Variants in FHIT observed in about 807,000 individuals in gnomAD.
FHIT encodes fragile histidine triad diadenosine triphosphatase, also known as bis(5'-adenosyl)-triphosphatase.
Under a neutral mutation model 17.9 loss-of-function variants are expected in FHIT, and 19 were observed. The ratio of observed to expected loss-of-function variants is 1.06; its 90% confidence interval spans 0.74 to 1.56. The LOEUF is 1.56. FHIT is among the 40% of genes most tolerant of loss of function. The pLI is 0.00. For missense variants in FHIT, 248 were observed against 189.2 expected, an observed-to-expected ratio of 1.31 and a Z score of -1.82; for synonymous variants, 81 against 69.7, an observed-to-expected ratio of 1.16 and a Z score of -0.81.
chr3:61,150,234 C>T (rs1238761012), intron 2 of FHIT, among the ~76,000 whole-genome samples: 2 of 152,154 alleles, frequency 1.3e-5, no homozygotes, highest in African/African-American at 4.8e-5. Flanking sequence ...ACAGAGCCCA[C>T]TGAGAGGCTT....
intron 5 of FHIT, among the ~76,000 whole-genome samples, chr3:60,255,593 C>G (rs1006289322): frequency 3.9e-5 from 6 of 151,974 alleles, no homozygotes; most frequent in Admixed American, 3.9e-4. Flanking sequence ...AAAAGCCGCC[C>G]CAAATCTAAC....
intron 4 of FHIT, among the ~76,000 whole-genome samples, chr3:60,634,879 A>G (rs782202749): frequency 2.9e-4 from 44 of 152,266 alleles, no homozygotes; most frequent in Non-Finnish European, 2.6e-4. Context: ...CTTATTTTAG[A>G]GTGAGACGCC....
At chr3:61,195,457 GATA>G (rs1342295840) in intron 2 of FHIT, among the ~76,000 whole-genome samples, 1 of 152,126 alleles carries the variant, frequency 6.6e-6, no homozygotes, top group Admixed American at 6.5e-5. Flanking sequence ...TGATGAAGAT[GATA>G]ATGATGTTGA....
chr3:60,551,575 G>A (rs1377794087), intron 4 of FHIT, among the ~76,000 whole-genome samples: 15 of 166 alleles, frequency 0.09, 1 homozygote, highest in East Asian at 0.2. Flanking sequence ...GGAGGAGGGG[G>A]GAGGAGGGGA....
At chr3:60,175,445 T>A (rs1441349473) in intron 5 of FHIT, among the ~76,000 whole-genome samples, 1 of 152,198 alleles carries the variant, frequency 6.6e-6, no homozygotes, top group Admixed American at 6.5e-5. Context: ...ATATGCTAAC[T>A]CTTCCTAGTT....
intron 8 of FHIT, among the ~76,000 whole-genome samples, chr3:59,821,948 C>A (rs1321109150): frequency 6.6e-6 from 1 of 152,080 alleles, no homozygotes; most frequent in Non-Finnish European, 1.5e-5. Context: ...ATCCCTCACC[C>A]CCACCAATGC....
chr3:59,781,129 A>G (rs1458590767), intron 8 of FHIT, among the ~76,000 whole-genome samples: 1 of 152,160 alleles, frequency 6.6e-6, no homozygotes, highest in Non-Finnish European at 1.5e-5. Flanking sequence ...TCTTGAAGGC[A>G]TTGGTGGGCT....
At chr3:60,865,535 C>A (rs797031472) in intron 3 of FHIT, among the ~76,000 whole-genome samples, 4 of 152,144 alleles carry the variant, frequency 2.6e-5, no homozygotes, top group African/African-American at 9.6e-5. Context: ...TTATAAGAGT[C>A]TGAATTTTCA....
intron 5 of FHIT, among the ~76,000 whole-genome samples, chr3:60,235,608 C>A (rs370651042): frequency 6.6e-6 from 1 of 152,178 alleles, no homozygotes; most frequent in African/African-American, 2.4e-5. Context: ...CAGACTCAGA[C>A]TTAACCTCAA....
At chr3:60,650,765 C>T (rs1000374545) in intron 4 of FHIT, among the ~76,000 whole-genome samples, 14 of 152,144 alleles carry the variant, frequency 9.2e-5, no homozygotes, top group African/African-American at 3.4e-4. Context: ...AAGATTTTTA[C>T]TTTCAGAGGC....
intron 5 of FHIT, among the ~76,000 whole-genome samples, chr3:60,303,134 C>T (rs1312233530): frequency 6.6e-6 from 1 of 152,152 alleles, no homozygotes; most frequent in African/African-American, 2.4e-5. Context: ...CTTTCTCCCA[C>T]ATCAAACACA....
At chr3:60,370,976 C>CA (rs1162835428) in intron 5 of FHIT, among the ~76,000 whole-genome samples, 2 of 152,346 alleles carry the variant, frequency 1.3e-5, no homozygotes, top group East Asian at 3.9e-4. Flanking sequence ...TGCCCAGCTA[C>CA]ACCAAACCAG....
At chr3:60,718,872 A>T (rs1553707413) in intron 4 of FHIT, among the ~76,000 whole-genome samples, 2 of 152,300 alleles carry the variant, frequency 1.3e-5, no homozygotes, top group African/African-American at 4.8e-5. Context: ...AAGAAGAAAA[A>T]AGCATGCAGC....
At chr3:59,991,235 A>C (rs1053237076) in intron 7 of FHIT, among the ~76,000 whole-genome samples, 1 of 152,116 alleles carries the variant, frequency 6.6e-6, no homozygotes, top group Non-Finnish European at 1.5e-5. Context: ...TGCAAACAGA[A>C]AATCACAGCC....
At chr3:60,991,886 G>A (rs192994626) in intron 3 of FHIT, among the ~76,000 whole-genome samples, 13 of 152,276 alleles carry the variant, frequency 8.5e-5, no homozygotes, top group Admixed American at 8.5e-4. Context: ...ATTCAGGTGA[G>A]AATACAGACT....
At chr3:59,787,435 G>A (rs534612085) in intron 8 of FHIT, among the ~76,000 whole-genome samples, 52 of 150,856 alleles carry the variant, frequency 3.4e-4, no homozygotes, top group Middle Eastern at 3.4e-3. Context: ...AGAGCCAGTA[G>A]CCTAAATGTG....
intron 8 of FHIT, among the ~76,000 whole-genome samples, chr3:59,840,786 G>T (rs1183038414): frequency 2.0e-5 from 3 of 152,118 alleles, no homozygotes; most frequent in Non-Finnish European, 2.9e-5. Flanking sequence ...TTATATCCCT[G>T]CCTCAGTGCT....
Position 60,753,267 on chromosome 3 carries a change from A to G in FHIT, c.-18+68652T>C, listed in dbSNP as rs148912558. On this transcript the variant is annotated intron_variant, in intron 4 of 9. Transcript: ENST00000492590. ...AAGTTTATGAACTATTAAAAAAATAAAGCTGTGGAGTTAGGGAGTTATGGA... is the reference window on the plus strand; with the variant it reads ...AAGTTTATGAACTATTAAAAAAATAGAGCTGTGGAGTTAGGGAGTTATGGA... 4.1e-3 allele frequency among the ~76,000 whole-genome samples: 631 copies of G among 152,322 alleles called. 7 individuals are homozygous for G. Among genetic ancestry groups the G allele is most frequent in the African/African-American group, 0.015 (609 of 41,568 alleles).
At chr3:60,246,409 GAAAC>G (rs1445228824) in intron 5 of FHIT, among the ~76,000 whole-genome samples, 1 of 152,074 alleles carries the variant, frequency 6.6e-6, no homozygotes, top group Non-Finnish European at 1.5e-5. Context: ...TTACAAACTA[GAAAC>G]AAACAGTTCA....
Sources: allele counts gnomAD v4.1 joint callset (sites outside exome capture counted in the v4.1 genomes callset), GRCh38; gene constraint gnomAD v4.1.1; transcripts MANE v1.5; gene names NCBI Gene and HGNC (gene_info 2026-07-23, HGNC 2026-07-21).